STARD13: variants seen among roughly 807,000 people sequenced by gnomAD.
STARD13 encodes stAR-related lipid transfer protein 13.
A neutral mutation model predicts 106.4 loss-of-function variants in STARD13; 62 were observed. The ratio of observed to expected loss-of-function variants is 0.58; its 90% CI spans 0.48 to 0.72. STARD13 has a LOEUF of 0.72. Among genes scored for constraint, STARD13 ranks in the 30% least tolerant of loss-of-function variants. STARD13 has a pLI of 0.00. For synonymous variants in STARD13, 565 were observed against 553.0 expected, an observed-to-expected ratio of 1.02 and a Z score of -0.31; for missense variants, 1,387 against 1,424.0, an observed-to-expected ratio of 0.97 and a Z score of 0.42.
chr13:33,290,959 C>T (rs570965465), intron 1 of STARD13, among the ~76,000 whole-genome samples: 2 of 152,168 alleles, frequency 1.3e-5, no homozygotes, highest in Non-Finnish European at 2.9e-5. Context: ...CATATTAATA[C>T]CTGTAAACCA....
the STARD13 span, among the ~76,000 whole-genome samples, chr13:33,469,138 C>A: frequency 2.0e-5 from 3 of 152,296 alleles, no homozygotes; most frequent in Admixed American, 6.5e-5. Flanking sequence ...TATATAAATT[C>A]TCTCATTTTC....
At chr13:33,614,774 A>G in the STARD13 span, among the ~76,000 whole-genome samples, 1 of 152,192 alleles carries the variant, frequency 6.6e-6, no homozygotes, top group Non-Finnish European at 1.5e-5. Flanking sequence ...GCAAGCATCA[A>G]GTGCATGAGC....
intron 1 of STARD13, among the ~76,000 whole-genome samples, chr13:33,337,723 C>G (rs555853905): frequency 7.2e-5 from 11 of 152,158 alleles, no homozygotes; most frequent in African/African-American, 2.7e-4. Context: ...TGTTGTCTTA[C>G]GTATATAACA....
chr13:33,631,061 T>C, the STARD13 span, among the ~76,000 whole-genome samples: 1 of 152,226 alleles, frequency 6.6e-6, no homozygotes, highest in Admixed American at 6.5e-5. Context: ...GTCAGCCCAG[T>C]GTGCATTATA....
At chr13:33,134,505 AAGAG>A (rs909114882) in intron 4 of STARD13, among the ~76,000 whole-genome samples, 7 of 152,240 alleles carry the variant, frequency 4.6e-5, no homozygotes, top group Admixed American at 4.6e-4. Context: ...TGATCATTTT[AAGAG>A]TAACTTGAAT....
chr13:33,484,745 A>G, the STARD13 span, among the ~76,000 whole-genome samples: 1 of 152,176 alleles, frequency 6.6e-6, no homozygotes, highest in Non-Finnish European at 1.5e-5. Flanking sequence ...AATTGGCCCT[A>G]TCTGGGCAGT....
At chr13:33,506,129 A>G in the STARD13 span, among the ~76,000 whole-genome samples, 3 of 152,312 alleles carry the variant, frequency 2.0e-5, no homozygotes, top group East Asian at 5.8e-4. Flanking sequence ...TTGATGAAGC[A>G]GTAAAAATTT....
At chr13:33,631,316 G>C in the STARD13 span, among the ~76,000 whole-genome samples, 1 of 152,332 alleles carries the variant, frequency 6.6e-6, no homozygotes, top group African/African-American at 2.4e-5. Context: ...CATTTATCCA[G>C]TTCTCAAAAT....
the STARD13 span, among the ~76,000 whole-genome samples, chr13:33,399,700 C>CA: frequency 0.15 from 3,917 of 26,678 alleles, 677 homozygotes; most frequent in African/African-American, 0.24. Flanking sequence ...GACTCTGTCT[C>CA]AAAAAAAAAA....
At chr13:33,585,757 G>T in the STARD13 span, among the ~76,000 whole-genome samples, 2 of 152,184 alleles carry the variant, frequency 1.3e-5, no homozygotes, top group African/African-American at 4.8e-5. Flanking sequence ...CCTTAAAAAG[G>T]AGAGAAATTC....
In STARD13 at chr13:33,104,681, C is replaced by T. The variant is rs776277952; in HGVS notation, c.*912G>A. On this transcript the variant is annotated 3_prime_UTR_variant, in exon 14 of 14. Coordinates refer to ENST00000336934, the MANE Select transcript of STARD13 (RefSeq NM_178006.4). ...ATGTATTTATAAAAACTTGAGACAA[C>T]ACAGGGGCTCCCTTTGGCTGTGAAG... The T allele has an allele frequency of 6.5e-6, 1 of 153,306 alleles. No homozygotes were observed. Among genetic ancestry groups the T allele is most frequent in the East Asian group, 1.9e-4 (1 of 5,206 alleles). 9.5% of individuals were successfully genotyped at this position (153,306 alleles called of 1,614,324 possible). A position where few individuals can be genotyped will look rare whatever the true frequency, so the allele number is the denominator to read the frequency against.
rs147161260 is a variant in STARD13, at chr13:33,127,224, C to T, written c.1922+149G>A. 3.6e-3 allele frequency: 3,084 copies of T among 867,898 alleles called. 6 individuals carry two copies. The highest frequency in any genetic ancestry group is 4.4e-3 in the Non-Finnish European group (2,661 of 611,308). The allele number at this position is 867,898 out of a possible 1,614,324, so 53.8% of individuals were successfully genotyped here. On this transcript the variant is annotated intron_variant, in intron 6 of 13. Transcript: ENST00000336934. ...TGTAGGGTCCACTGCATCGAGGCTA[C>T]GGCAGAGCTCATGCCTTATGTCCAG...
chr13:33,509,333 C>T, the STARD13 span, among the ~76,000 whole-genome samples: 1 of 152,146 alleles, frequency 6.6e-6, no homozygotes, highest in African/African-American at 2.4e-5. Flanking sequence ...AGCAGATAAC[C>T]ATTGGCCTTT....
intron 1 of STARD13, among the ~76,000 whole-genome samples, chr13:33,326,918 C>T (rs2077781455): frequency 6.6e-6 from 1 of 152,202 alleles, no homozygotes; most frequent in African/African-American, 2.4e-5. Context: ...CGGTCACATG[C>T]CTGAGCCACG....
At chr13:33,163,725 TATATAA>T (rs1883004772) in intron 3 of STARD13, among the ~76,000 whole-genome samples, 4 of 112,090 alleles carry the variant, frequency 3.6e-5, no homozygotes, top group African/African-American at 1.1e-4. Flanking sequence ...ATATATAACA[TATATAA>T]AACATATATA....
chr13:33,392,367 A>C, the STARD13 span, among the ~76,000 whole-genome samples: 2 of 152,130 alleles, frequency 1.3e-5, no homozygotes, highest in Non-Finnish European at 1.5e-5. Context: ...CCATATCTTC[A>C]TATTTGATCC....
chr13:33,615,999 A>T, the STARD13 span, among the ~76,000 whole-genome samples: 3 of 152,154 alleles, frequency 2.0e-5, no homozygotes, highest in South Asian at 6.2e-4. Context: ...TCATTTGTAT[A>T]ATTTGTATTA....
the STARD13 span, among the ~76,000 whole-genome samples, chr13:33,550,908 TACTCTTCTATAAG>T: frequency 6.6e-6 from 1 of 152,244 alleles, no homozygotes; most frequent in Non-Finnish European, 1.5e-5. Context: ...TCCAACACTA[TACTCTTCTATAAG>T]ACATTTTCCA....
chr13:33,468,047 C>A, the STARD13 span, among the ~76,000 whole-genome samples: 1 of 152,114 alleles, frequency 6.6e-6, no homozygotes. Flanking sequence ...AGGATATAAC[C>A]ATTAGTTCTA....
Sources: allele counts gnomAD v4.1 joint callset (sites outside exome capture counted in the v4.1 genomes callset), GRCh38; gene constraint gnomAD v4.1.1; transcripts MANE v1.5; gene names NCBI Gene and HGNC (gene_info 2026-07-23, HGNC 2026-07-21).